Variants in MAGT1 observed in about 807,000 individuals in gnomAD.
MAGT1 encodes magnesium transporter 1, also known as dolichyl-diphosphooligosaccharide--protein glycosyltransferase subunit MAGT1.
MAGT1 carries 4 observed loss-of-function variants against 28.4 expected under a neutral mutation model. The observed-to-expected ratio is 0.14, with a 90% CI of 0.07 to 0.32. MAGT1 has a LOEUF of 0.32. Ranked by LOEUF, MAGT1 falls within the 10% of genes least tolerant of loss-of-function variation. The probability of loss-of-function intolerance (pLI) is 1.00; values close to 1 mark genes in which losing one functional copy is unlikely to be tolerated. For synonymous variants in MAGT1, 89 were observed against 89.7 expected (o/e 0.99, Z 0.04); for missense variants, 193 against 264.5 (o/e 0.73, Z 1.88).
At chrX:77,836,136 A>C (rs1557213901) in intron 8 of MAGT1, among the ~76,000 whole-genome samples, 1 of 111,143 alleles carries the variant, frequency 9.0e-6, no homozygotes, top group Non-Finnish European at 1.9e-5. Context: ...ATTCAGGTAC[A>C]GAAAAAAAAA....
intron 3 of MAGT1, among the ~76,000 whole-genome samples, chrX:77,862,578 A>C (rs960171961): frequency 2.7e-5 from 3 of 112,193 alleles, no homozygotes; most frequent in African/African-American, 9.7e-5. Flanking sequence ...AATCCCATTA[A>C]AAAGTGGACA....
At chrX:77,836,931 C>T (rs932465193) in intron 8 of MAGT1, among the ~76,000 whole-genome samples, 4 of 111,371 alleles carry the variant, frequency 3.6e-5, no homozygotes, top group South Asian at 7.5e-4. Flanking sequence ...TGTGCACATA[C>T]GTATATACAG....
intron 1 of MAGT1, among the ~76,000 whole-genome samples, chrX:77,877,943 T>C (rs1422522452): frequency 3.7e-5 from 4 of 109,520 alleles, no homozygotes; most frequent in Non-Finnish European, 7.6e-5. Flanking sequence ...GGTGGGAATG[T>C]AGTATGGTGC....
chrX:77,875,026 T>C (rs1266017172), intron 2 of MAGT1, among the ~76,000 whole-genome samples: 3 of 109,415 alleles, frequency 2.7e-5, no homozygotes, highest in Admixed American at 2.0e-4. Context: ...AGCTAATTTT[T>C]GTATTTTTTT....
chrX:77,831,881 C>T (rs189749170), intron 8 of MAGT1, among the ~76,000 whole-genome samples: 29 of 111,717 alleles, frequency 2.6e-4, no homozygotes, highest in East Asian at 2.2e-3. Context: ...GCATGAGCCA[C>T]GGTGCCCGGC....
chrX:77,859,971 G>A (rs2076990610), intron 3 of MAGT1, among the ~76,000 whole-genome samples: 1 of 111,854 alleles, frequency 8.9e-6, no homozygotes, highest in South Asian at 3.7e-4. Flanking sequence ...CTACATCCTT[G>A]CCAAAAGTTG....
chrX:77,870,748 T>C, intron 3 of MAGT1, 60 bp downstream of exon 3: 3 of 809,378 alleles, frequency 3.7e-6, no homozygotes, highest in Non-Finnish European at 5.6e-6. Flanking sequence ...GAAAAAAATA[T>C]ATTCCACTTT....
At position 77,853,886 on chromosome X, in the gene MAGT1, A is replaced by G. The variant is rs2076975018; in HGVS notation, c.826+15T>C. 3.4e-6 allele frequency: 4 copies of G among 1,175,946 alleles called. No homozygotes were observed. The highest frequency in any genetic ancestry group is 2.3e-6 in the Non-Finnish European group (2 of 862,838). Reference sequence around the variant, plus strand: ...AGACAAAATACAGCAAGAAAGACTTATTGTAAAAGGATACTAAACAGAAGA... The same window carrying G: ...AGACAAAATACAGCAAGAAAGACTTGTTGTAAAAGGATACTAAACAGAAGA... On this transcript the variant is annotated intron_variant, in intron 7 of 9. Transcript: ENST00000618282.
intron 8 of MAGT1, among the ~76,000 whole-genome samples, chrX:77,832,003 T>C (rs2076899992): frequency 1.8e-5 from 2 of 111,890 alleles, no homozygotes; most frequent in African/African-American, 6.5e-5. Flanking sequence ...AAGTACTTTA[T>C]TCATGCACAG....
rs372252002 is a variant in MAGT1 at position 77,829,174 on chromosome X, T to C, written c.*46A>G. The stretch of plus-strand genomic sequence containing the variant: ...CTTTTCAAACACACACGATTTTCGT[T>C]TTTCAATTTCCAGTACTCCAGTGTC... On this transcript the variant is annotated 3_prime_UTR_variant, in exon 10 of 10. Transcript: ENST00000618282. 7.0e-4 allele frequency: 803 copies of C among 1,151,320 alleles called. No individual in the cohort carries two copies. The highest frequency in any genetic ancestry group is 8.9e-4 in the Non-Finnish European group (752 of 843,557). The allele number at this position is 1,151,320 out of a possible 1,213,427, so 94.9% of individuals were successfully genotyped here.
chrX:77,876,164 A>ATATATATATATT (rs1557217807), intron 1 of MAGT1, among the ~76,000 whole-genome samples: 3 of 24,969 alleles, frequency 1.2e-4, no homozygotes, highest in African/African-American at 2.9e-4. Context: ...ATATATATAT[A>ATATATATATATT]TTTTTTTTTT....
chrX:77,882,502 T>G (rs1360959507), intron 1 of MAGT1, among the ~76,000 whole-genome samples: 6 of 111,694 alleles, frequency 5.4e-5, no homozygotes, highest in African/African-American at 1.3e-4. Context: ...GAAAAACAAG[T>G]GTGAAGCAGT....
chrX:77,836,340 T>C (rs1943187133), intron 8 of MAGT1, among the ~76,000 whole-genome samples: 1 of 111,110 alleles, frequency 9.0e-6, no homozygotes, highest in African/African-American at 3.3e-5. Context: ...AGGATAACTA[T>C]AGTCAATAAT....
At chrX:77,834,255 CAT>C (rs1491404979) in intron 8 of MAGT1, among the ~76,000 whole-genome samples, 5 of 54,636 alleles carry the variant, frequency 9.2e-5, no homozygotes, top group Non-Finnish European at 1.4e-4. Flanking sequence ...CATATATATA[CAT>C]GTGTGTATAT....
chrX:77,841,188 G>A, intron 8 of MAGT1, 58 bp downstream of exon 8: 1 of 879,066 alleles, frequency 1.1e-6, no homozygotes, highest in African/African-American at 1.9e-5. Context: ...GTGATTAAGA[G>A]ATCACTCTTT....
At chrX:77,830,367 C>T (rs782314616) in intron 9 of MAGT1, among the ~76,000 whole-genome samples, 132 of 111,814 alleles carry the variant, frequency 1.2e-3, no homozygotes, top group Middle Eastern at 9.2e-3. Flanking sequence ...TGCCTATAAT[C>T]CCAGCACTTT....
intron 1 of MAGT1, among the ~76,000 whole-genome samples, chrX:77,892,184 T>C (rs1557219539): frequency 8.9e-6 from 1 of 111,763 alleles, no homozygotes; most frequent in East Asian, 2.8e-4. Context: ...CGTGAGCCAC[T>C]GCACCCAGCA....
At chrX:77,851,414 C>G (rs782198932) in intron 7 of MAGT1, among the ~76,000 whole-genome samples, 21 of 107,434 alleles carry the variant, frequency 2.0e-4, no homozygotes, top group African/African-American at 5.8e-4. Flanking sequence ...CACTCTGTTG[C>G]CCAGGATGGA....
At chrX:77,830,006 T>C (rs1395281214) in intron 9 of MAGT1, among the ~76,000 whole-genome samples, 1 of 112,395 alleles carries the variant, frequency 8.9e-6, no homozygotes, top group Non-Finnish European at 1.9e-5. Flanking sequence ...TATAATTAAT[T>C]TTTATATGGG....
Sources: allele counts gnomAD v4.1 joint callset (sites outside exome capture counted in the v4.1 genomes callset), GRCh38; gene constraint gnomAD v4.1.1; transcripts MANE v1.5; gene names NCBI Gene and HGNC (gene_info 2026-07-23, HGNC 2026-07-21).